Variants in PCDH15 observed in about 807,000 individuals in gnomAD.
The protein encoded by PCDH15 is protocadherin related 15.
PCDH15 carries 129 observed loss-of-function variants against 178.5 expected under a neutral mutation model. The observed-to-expected ratio is 0.72, with a 90% CI of 0.63 to 0.84. The LOEUF is 0.84. Ranked by LOEUF, PCDH15 falls within the 40% of genes least tolerant of loss-of-function variation. PCDH15 has a pLI of 0.00. For missense variants in PCDH15, 2,230 were observed against 2,099.9 expected, an observed-to-expected ratio of 1.06 and a Z score of -1.21; for synonymous variants, 800 against 732.0, an observed-to-expected ratio of 1.09 and a Z score of -1.50.
chr10:54,695,335 C>T (rs996099976), intron 1 of PCDH15, among the ~76,000 whole-genome samples: 4 of 152,132 alleles, frequency 2.6e-5, no homozygotes, highest in Non-Finnish European at 4.4e-5. Flanking sequence ...AAGGCCTTAA[C>T]TCTCTTAAAT....
chr10:54,221,906 C>G (rs2052867768), intron 9 of PCDH15, among the ~76,000 whole-genome samples: 1 of 152,074 alleles, frequency 6.6e-6, no homozygotes, highest in African/African-American at 2.4e-5. Flanking sequence ...CCTGGCCTTA[C>G]AGTATATATT....
chr10:54,607,977 G>T (rs756358602), intron 2 of PCDH15: 4 of 493,110 alleles, frequency 8.1e-6, no homozygotes, highest in East Asian at 6.2e-5. Context: ...CTTTGGAAAG[G>T]CTTTGCCTAC....
intron 26 of PCDH15, among the ~76,000 whole-genome samples, chr10:53,870,133 G>T (rs1589170614): frequency 1.3e-5 from 2 of 152,044 alleles, no homozygotes; most frequent in African/African-American, 4.8e-5. Context: ...CAGTAAGCAG[G>T]TAATTTCACT....
chr10:54,139,776 C>T (rs966620821), intron 14 of PCDH15, among the ~76,000 whole-genome samples: 1 of 151,002 alleles, frequency 6.6e-6, no homozygotes, highest in African/African-American at 2.4e-5. Context: ...CAGAAGAAAA[C>T]CAATAAGTAG....
At chr10:55,587,593 C>T (rs1842750543) in intron 2 of PCDH15, among the ~76,000 whole-genome samples, 2 of 151,970 alleles carry the variant, frequency 1.3e-5, no homozygotes, top group African/African-American at 4.8e-5. Context: ...ACATCAAAAT[C>T]TTCTAGAGTG....
chr10:54,396,011 G>A (rs954336740), intron 3 of PCDH15, among the ~76,000 whole-genome samples: 2 of 152,104 alleles, frequency 1.3e-5, no homozygotes, highest in Non-Finnish European at 1.5e-5. Flanking sequence ...TGAGCTGAAG[G>A]CAATTAAGAA....
At chr10:53,826,574 TATC>T (rs1277805398) in intron 32 of PCDH15, among the ~76,000 whole-genome samples, 1 of 152,130 alleles carries the variant, frequency 6.6e-6, no homozygotes, top group African/African-American at 2.4e-5. Flanking sequence ...TTGTTTTACA[TATC>T]ATGTCCAAAA....
chr10:54,979,913 A>G (rs1372533466), intron 2 of PCDH15, among the ~76,000 whole-genome samples: 1 of 152,150 alleles, frequency 6.6e-6, no homozygotes, highest in Non-Finnish European at 1.5e-5. Flanking sequence ...TTAATGATAT[A>G]TAAAATTGTA....
intron 9 of PCDH15, among the ~76,000 whole-genome samples, chr10:54,235,764 GACAT>G (rs1348128303): frequency 1.3e-5 from 2 of 152,132 alleles, no homozygotes; most frequent in East Asian, 3.9e-4. Flanking sequence ...AAGAGTGATT[GACAT>G]ACAGTCAAGC....
At chr10:54,241,944 A>C (rs150537581) in intron 8 of PCDH15, among the ~76,000 whole-genome samples, 1 of 151,014 alleles carries the variant, frequency 6.6e-6, no homozygotes, top group Non-Finnish European at 1.5e-5. Context: ...CTTCCTATTC[A>C]TTAGCTTTTC....
intron 17 of PCDH15, among the ~76,000 whole-genome samples, chr10:54,073,022 AT>A (rs1474300534): frequency 6.6e-6 from 1 of 152,158 alleles, no homozygotes; most frequent in Non-Finnish European, 1.5e-5. Flanking sequence ...CCAAACACAT[AT>A]TTATACATTA....
At chr10:55,525,351 A>T (rs1046178555) in intron 2 of PCDH15, among the ~76,000 whole-genome samples, 2 of 151,916 alleles carry the variant, frequency 1.3e-5, no homozygotes, top group African/African-American at 2.4e-5. Context: ...CAATATGTGA[A>T]GACACGTTTC....
intron 13 of PCDH15, among the ~76,000 whole-genome samples, chr10:54,172,240 A>G (rs2046985965): frequency 6.6e-6 from 1 of 151,994 alleles, no homozygotes; most frequent in East Asian, 1.9e-4. Flanking sequence ...TGATGACTTT[A>G]CCTTGTGAAA....
chr10:53,942,472 C>T (rs560514054), intron 23 of PCDH15, among the ~76,000 whole-genome samples: 85 of 152,302 alleles, frequency 5.6e-4, no homozygotes, highest in African/African-American at 1.3e-3. Flanking sequence ...GTGATGTATA[C>T]GTCTCATGTA....
At chr10:54,767,121 A>G (rs1456667033) in intron 1 of PCDH15, among the ~76,000 whole-genome samples, 1 of 152,076 alleles carries the variant, frequency 6.6e-6, no homozygotes, top group African/African-American at 2.4e-5. Flanking sequence ...ATCTGCAGAC[A>G]CCTTTTCAGG....
chr10:55,026,576 T>C (rs1840479922), intron 2 of PCDH15, among the ~76,000 whole-genome samples: 1 of 151,584 alleles, frequency 6.6e-6, no homozygotes, highest in South Asian at 2.1e-4. Flanking sequence ...AGGAGGGAGG[T>C]AAATTAATGT....
At chr10:53,897,119 T>C (rs1178110361) in intron 26 of PCDH15, among the ~76,000 whole-genome samples, 2 of 152,078 alleles carry the variant, frequency 1.3e-5, no homozygotes, top group Admixed American at 6.5e-5. Context: ...TTAATGATGT[T>C]CAACTAATGG....
At chr10:54,687,539 C>T (rs578000988) in intron 1 of PCDH15, among the ~76,000 whole-genome samples, 4 of 152,178 alleles carry the variant, frequency 2.6e-5, no homozygotes, top group Admixed American at 2.0e-4. Context: ...CTAGGTCTAA[C>T]CTTGGGCTTC....
intron 8 of PCDH15, among the ~76,000 whole-genome samples, chr10:54,308,991 C>A (rs537245152): frequency 6.6e-6 from 1 of 151,998 alleles, no homozygotes; most frequent in Non-Finnish European, 1.5e-5. Context: ...AAACGATCTT[C>A]GCATTAAAAG....
Sources: allele counts gnomAD v4.1 joint callset (sites outside exome capture counted in the v4.1 genomes callset), GRCh38; gene constraint gnomAD v4.1.1; transcripts MANE v1.5; gene names NCBI Gene and HGNC (gene_info 2026-07-23, HGNC 2026-07-21).